ASIC2: variants seen among roughly 807,000 people sequenced by gnomAD.
ASIC2 encodes the protein acid-sensing ion channel 2.
A neutral mutation model predicts 57.3 loss-of-function variants in ASIC2; 25 were observed. The observed-to-expected ratio is 0.44, with a 90% CI of 0.32 to 0.61. ASIC2 has a LOEUF of 0.61. Among genes scored for constraint, ASIC2 ranks in the 20% least tolerant of loss-of-function variants. The pLI is 0.06. For missense variants in ASIC2, 641 were observed against 738.1 expected, an observed-to-expected ratio of 0.87 and a Z score of 1.52; for synonymous variants, 319 against 307.5, an observed-to-expected ratio of 1.04 and a Z score of -0.39.
In ASIC2 at chr17:33,061,965, T is replaced by A. The variant is rs1381623008; in HGVS notation, c.987+26898A>T. On this transcript the variant is annotated intron_variant, in intron 3 of 9. Transcript: ENST00000225823. The stretch of plus-strand genomic sequence containing the variant: ...TATTTGCGTAGAGGTGTTTATAATA[T>A]TCTCTGATGGTAGTTTGTATTTCTG... 3.3e-5 allele frequency among the ~76,000 whole-genome samples: 5 copies of A among 152,332 alleles called. No homozygotes were observed. The East Asian group carries it at 7.7e-4, about 23-fold the overall frequency.
intron 2 of ASIC2, among the ~76,000 whole-genome samples, chr17:33,093,388 A>G (rs2092165183): frequency 7.2e-6 from 1 of 139,638 alleles, no homozygotes; most frequent in Non-Finnish European, 1.6e-5. Flanking sequence ...ACAGTGAATG[A>G]TTTGTTTACA....
chr17:33,990,336 T>C (rs1178926076), intron 1 of ASIC2, among the ~76,000 whole-genome samples: 2 of 152,194 alleles, frequency 1.3e-5, no homozygotes, highest in African/African-American at 4.8e-5. Flanking sequence ...TGGCAACAGA[T>C]AGATGCTCAA....
chr17:33,298,145 T>A (rs1271167739), upstream of ASIC2, among the ~76,000 whole-genome samples: 3 of 152,052 alleles, frequency 2.0e-5, no homozygotes, highest in Non-Finnish European at 1.5e-5. Flanking sequence ...CTTTAAGTTT[T>A]AGGGTACATG....
At chr17:33,723,127 A>G (rs1407822367) in intron 1 of ASIC2, among the ~76,000 whole-genome samples, 2 of 152,174 alleles carry the variant, frequency 1.3e-5, no homozygotes, top group South Asian at 4.1e-4. Context: ...TACAAGACAA[A>G]TGGCCATCAA....
intron 1 of ASIC2, among the ~76,000 whole-genome samples, chr17:33,398,949 A>G (rs924084804): frequency 1.3e-5 from 2 of 152,176 alleles, no homozygotes; most frequent in Admixed American, 1.3e-4. Context: ...TTTGGGAGTC[A>G]TAGACTGGGA....
chr17:33,358,554 CATG>C (rs1167454660), intron 1 of ASIC2, among the ~76,000 whole-genome samples: 2 of 152,144 alleles, frequency 1.3e-5, no homozygotes, highest in Non-Finnish European at 2.9e-5. Flanking sequence ...CAAAAGGGAA[CATG>C]ATGAGTGCAC....
intron 1 of ASIC2, among the ~76,000 whole-genome samples, chr17:33,323,750 A>T (rs1318573201): frequency 6.6e-6 from 1 of 152,134 alleles, no homozygotes; most frequent in African/African-American, 2.4e-5. Flanking sequence ...AATAAACCAG[A>T]CACAAAAGTG....
At chr17:33,972,017 C>T (rs1905240421) in intron 1 of ASIC2, among the ~76,000 whole-genome samples, 1 of 152,166 alleles carries the variant, frequency 6.6e-6, no homozygotes, top group Admixed American at 6.5e-5. Context: ...AGGCGATTTT[C>T]CCAACAATGC....
intron 1 of ASIC2, among the ~76,000 whole-genome samples, chr17:33,981,602 T>C (rs1905626304): frequency 7.1e-6 from 1 of 140,756 alleles, no homozygotes; most frequent in Admixed American, 7.8e-5. Flanking sequence ...GCACAGTTTC[T>C]AAAGAAAAGA....
chr17:33,029,860 G>A (rs904025857), intron 3 of ASIC2, among the ~76,000 whole-genome samples: 7 of 152,160 alleles, frequency 4.6e-5, no homozygotes, highest in African/African-American at 1.2e-4. Context: ...ATTTGTATTT[G>A]TGGTTCCCTG....
chr17:33,741,139 A>T (rs1206812625), intron 1 of ASIC2, among the ~76,000 whole-genome samples: 1 of 152,136 alleles, frequency 6.6e-6, no homozygotes, highest in Non-Finnish European at 1.5e-5. Flanking sequence ...AGGCACAGAG[A>T]GTGACTGCCC....
chr17:33,570,609 T>C (rs1339425688), intron 1 of ASIC2, among the ~76,000 whole-genome samples: 1 of 152,240 alleles, frequency 6.6e-6, no homozygotes, highest in Non-Finnish European at 1.5e-5. Context: ...CTTTGAGTGT[T>C]ACCATTTTAG....
At chr17:33,844,123 A>G (rs976745162) in intron 1 of ASIC2, among the ~76,000 whole-genome samples, 13 of 152,170 alleles carry the variant, frequency 8.5e-5, no homozygotes, top group African/African-American at 2.7e-4. Flanking sequence ...TATTGGGAGA[A>G]GAGTCCTGAG....
At chr17:33,373,996 ATT>A (rs1909183351) in intron 1 of ASIC2, among the ~76,000 whole-genome samples, 1 of 149,006 alleles carries the variant, frequency 6.7e-6, no homozygotes, top group African/African-American at 2.5e-5. Flanking sequence ...TTTTTTATTT[ATT>A]TATTTACTTA....
intron 1 of ASIC2, among the ~76,000 whole-genome samples, chr17:34,060,880 T>C (rs1427408552): frequency 6.6e-6 from 1 of 152,106 alleles, no homozygotes; most frequent in African/African-American, 2.4e-5. Flanking sequence ...GAATAATCAG[T>C]GTTCCTGAGG....
At chr17:34,006,737 G>A (rs1264241355) in intron 1 of ASIC2, 2 of 152,118 alleles carry the variant, frequency 1.3e-5, no homozygotes, top group African/African-American at 4.8e-5. Context: ...GACAAAACCC[G>A]AAATATCAAA....
At chr17:33,579,544 C>G (rs531823686) in intron 1 of ASIC2, among the ~76,000 whole-genome samples, 2 of 152,216 alleles carry the variant, frequency 1.3e-5, no homozygotes, top group East Asian at 3.9e-4. Flanking sequence ...TCCCTGCCTT[C>G]AAGAATGAAA....
Position 33,386,561 on chromosome 17 carries a change from T to C in ASIC2, c.556-274494A>G, listed in dbSNP as rs192169398. On this transcript the variant is annotated intron_variant, in intron 1 of 9. Coordinates refer to the ASIC2 transcript ENST00000359872. ...CCATCCACTTCTCCCTCAATGACTT[T>C]ACTGCCACCTCTCTGAGCTGCAGCC... 1.3e-3 allele frequency among the ~76,000 whole-genome samples: 192 copies of C among 152,338 alleles called. 1 individual carries two copies. Among genetic ancestry groups the C allele is most frequent in the African/African-American group, 4.3e-3 (178 of 41,574 alleles).
At chr17:33,179,997 G>C (rs1203258348) in intron 1 of ASIC2, among the ~76,000 whole-genome samples, 1 of 152,146 alleles carries the variant, frequency 6.6e-6, no homozygotes, top group African/African-American at 2.4e-5. Context: ...TTCCTTCTTA[G>C]ATTCTTTGAT....
Sources: gnomAD v4.1 joint callset for allele counts (sites outside exome capture counted in the v4.1 genomes callset) on GRCh38, gnomAD v4.1.1 for gene constraint, MANE v1.5 for transcripts, NCBI Gene and HGNC (gene_info 2026-07-23, HGNC 2026-07-21) for gene names.